Variants in ABCA12 observed in about 807,000 individuals in gnomAD.
ABCA12 encodes ATP binding cassette subfamily A member 12, also known as glucosylceramide transporter ABCA12.
Under a neutral mutation model 293.5 loss-of-function variants are expected in ABCA12, and 156 were observed. That is an observed-to-expected ratio of 0.53 (90% CI 0.47 to 0.61). The LOEUF (loss-of-function observed/expected upper bound fraction) is 0.61. ABCA12 is among the 20% of genes least tolerant of loss of function. The pLI is 0.00. For missense variants in ABCA12, 2,797 were observed against 3,090.2 expected (o/e 0.91, Z 2.25); for synonymous variants, 1,063 against 1,108.0 (o/e 0.96, Z 0.81).
chr2:214,951,506 T>C (rs868056964), intron 44 of ABCA12, among the ~76,000 whole-genome samples: 1 of 152,212 alleles, frequency 6.6e-6, no homozygotes. Flanking sequence ...CTCACACCTA[T>C]AATCCCAGCA....
chr2:215,002,772 A>G (rs1333084075), intron 20 of ABCA12, among the ~76,000 whole-genome samples: 1 of 152,194 alleles, frequency 6.6e-6, no homozygotes, highest in Non-Finnish European at 1.5e-5. Flanking sequence ...CAGGATCATA[A>G]AAACACTTCA....
At chr2:214,933,351 G>A (rs1386301184) in intron 52 of ABCA12, among the ~76,000 whole-genome samples, 1 of 152,108 alleles carries the variant, frequency 6.6e-6, no homozygotes, top group African/African-American at 2.4e-5. Context: ...CGAAGACTAA[G>A]TCTTCATTTT....
chr2:214,976,354 A>G (rs1419642839), intron 33 of ABCA12, among the ~76,000 whole-genome samples: 3 of 152,246 alleles, frequency 2.0e-5, no homozygotes, highest in Admixed American at 2.0e-4. Context: ...AATTTCATAA[A>G]TGAATATTGA....
chr2:215,038,763 C>A (rs1041925292), intron 7 of ABCA12, among the ~76,000 whole-genome samples: 1 of 152,194 alleles, frequency 6.6e-6, no homozygotes, highest in East Asian at 1.9e-4. Flanking sequence ...AAAGACTGAA[C>A]ATTTGACAAT....
chr2:215,064,010 A>C, intron 3 of ABCA12, 56 bp downstream of exon 3: 1 of 1,610,434 alleles, frequency 6.2e-7, no homozygotes, highest in Non-Finnish European at 8.5e-7. Context: ...CTATCTCAGA[A>C]GGAAACAAGA....
intron 2 of ABCA12, among the ~76,000 whole-genome samples, chr2:215,104,673 A>G (rs536334008): frequency 6.6e-6 from 1 of 152,336 alleles, no homozygotes; most frequent in South Asian, 2.1e-4. Flanking sequence ...TGATGGAGGA[A>G]GTACAGGATG....
At chr2:215,044,552 G>T (rs1701164042) in intron 7 of ABCA12, 1 of 152,118 alleles carries the variant, frequency 6.6e-6, no homozygotes, top group Non-Finnish European at 1.5e-5. Context: ...TAAAATGAGG[G>T]TTAACATAGA....
chr2:214,970,800 T>C (rs1363728203), intron 36 of ABCA12, among the ~76,000 whole-genome samples: 1 of 152,160 alleles, frequency 6.6e-6, no homozygotes, highest in Non-Finnish European at 1.5e-5. Flanking sequence ...TATAACACTT[T>C]TCAAGGATTG....
At chr2:215,011,851 T>C in intron 16 of ABCA12, 120 bp downstream of exon 16, 1 of 1,242,414 alleles carries the variant, frequency 8.0e-7, no homozygotes, top group South Asian at 1.3e-5. Context: ...TAGAAGAGTT[T>C]TCTTGTAGGT....
At chr2:215,045,436 T>C (rs1701182607) in intron 7 of ABCA12, among the ~76,000 whole-genome samples, 1 of 152,212 alleles carries the variant, frequency 6.6e-6, no homozygotes, top group South Asian at 2.1e-4. Flanking sequence ...TTATGTTGGA[T>C]GGTACCAAAC....
chr2:214,997,965 C>A (rs913599645), intron 22 of ABCA12, among the ~76,000 whole-genome samples, 156 bp from the exon 23 acceptor site: 1 of 151,914 alleles, frequency 6.6e-6, no homozygotes, highest in Non-Finnish European at 1.5e-5. Flanking sequence ...ATTTACGAAG[C>A]ATGAAGCTGA....
At chr2:215,044,585 G>T (rs1012752436) in intron 7 of ABCA12, 4 of 152,242 alleles carry the variant, frequency 2.6e-5, no homozygotes, top group Middle Eastern at 3.4e-3. Flanking sequence ...CTAATATCTT[G>T]CTTCTTCTGT....
chr2:214,990,768 G>C lies in ABCA12; in HGVS notation c.3558C>G (p.Ala1186=). The part of the protein sequence containing the change: ...ALIGSLIYII[A]FFPFIVLVTV... ...TAACCAGAACAATAAATGGAAAGAA[G>C]GCAATGATGTAGATGAGGCTTCCGA... The change falls in exon 24 of 53, where the codon GCC becomes GCG. Residue 1186 remains alanine, a synonymous_variant. Transcript: ENST00000272895. 6.2e-7 allele frequency: 1 copy of C among 1,614,080 alleles called. No individual in the cohort carries two copies. Among genetic ancestry groups the C allele is most frequent in the Non-Finnish European group, 8.5e-7 (1 of 1,179,976 alleles).
chr2:214,991,590 T>C lies in ABCA12; in HGVS notation c.3295-559A>G, dbSNP rs543034702. 1.2e-3 allele frequency among the ~76,000 whole-genome samples: 177 copies of C among 152,306 alleles called. 1 individual carries two copies. Among genetic ancestry groups the C allele is most frequent in the African/African-American group, 4.0e-3 (167 of 41,566 alleles). On this transcript the variant is annotated intron_variant, in intron 23 of 52. Coordinates refer to ENST00000272895, the MANE Select transcript of ABCA12 (RefSeq NM_173076.3). ...TAAAACACATAACTTAAGGGAGACCTCCTGCCTTTAGCTATAGCCTTCCCA... is the reference window on the plus strand; with the variant it reads ...TAAAACACATAACTTAAGGGAGACCCCCTGCCTTTAGCTATAGCCTTCCCA...
Position 215,036,978 on chromosome 2 carries a change from C to T in ABCA12, c.960G>A (p.Leu320=), listed in dbSNP as rs375880439. Reference sequence around the variant, plus strand: ...CTTGAGCTGGGGAGTCCAGAGTGTACAGCAGATGTTTAACAGACTTCTGGA... The same window carrying T: ...CTTGAGCTGGGGAGTCCAGAGTGTATAGCAGATGTTTAACAGACTTCTGGA... ...RTLQKSVKHL[L]YTLDSPAQGD... The change falls in exon 8 of 53, where the codon CTG becomes CTA. Residue 320 remains leucine (L), a synonymous_variant. Coordinates refer to ENST00000272895, the MANE Select transcript of ABCA12 (RefSeq NM_173076.3). 6.2e-7 allele frequency: 1 copy of T among 1,613,752 alleles called. No homozygotes were observed. Among genetic ancestry groups the T allele is most frequent in the Non-Finnish European group, 8.5e-7 (1 of 1,179,862 alleles).
chr2:215,084,899 G>A (rs1702008581), intron 2 of ABCA12, among the ~76,000 whole-genome samples: 1 of 151,948 alleles, frequency 6.6e-6, no homozygotes, highest in African/African-American at 2.4e-5. Flanking sequence ...TTCGAGACCA[G>A]CCTGGCCAAC....
chr2:215,061,707 A>G (rs1037082132), intron 3 of ABCA12, among the ~76,000 whole-genome samples: 1 of 151,926 alleles, frequency 6.6e-6, no homozygotes, highest in Non-Finnish European at 1.5e-5. Context: ...ATACAGCAAT[A>G]TACAACTTGA....
In ABCA12 at chr2:215,073,228, T is replaced by A. The variant is rs541887566; in HGVS notation, c.164-9009A>T. On this transcript the variant is annotated intron_variant, in intron 2 of 52. Transcript: ENST00000272895. ...TTTTGCTTTTCTGAAACTTGTCTTT[T>A]AGTAACAAAGATTCACGATTGCATT... Among the ~76,000 whole-genome samples the A allele has an allele frequency of 1.4e-3, 212 of 152,342 alleles. 1 individual carries two copies. The highest frequency in any genetic ancestry group is 4.6e-3 in the African/African-American group (190 of 41,576).
intron 24 of ABCA12, among the ~76,000 whole-genome samples, chr2:214,989,968 C>T (rs544373645): frequency 6.6e-6 from 1 of 152,056 alleles, no homozygotes; most frequent in South Asian, 2.1e-4. Flanking sequence ...ATGTTAAGGG[C>T]CAGAAGGCAT....
Sources: allele counts gnomAD v4.1 joint callset (sites outside exome capture counted in the v4.1 genomes callset), GRCh38; gene constraint gnomAD v4.1.1; transcripts MANE v1.5; gene names NCBI Gene and HGNC (gene_info 2026-07-23, HGNC 2026-07-21).